SCAMP1: variants seen among roughly 807,000 people sequenced by gnomAD.
SCAMP1 encodes the protein secretory carrier-associated membrane protein 1.
In SCAMP1, 15 loss-of-function variants were observed where a neutral mutation model predicts 41.8. The observed-to-expected ratio is 0.36, with a 90% confidence interval of 0.24 to 0.55. SCAMP1 has a LOEUF of 0.55. Ranked by LOEUF, SCAMP1 falls within the 20% of genes least tolerant of loss-of-function variation. SCAMP1 has a pLI of 0.86. For missense variants in SCAMP1, 341 were observed against 412.6 expected (o/e 0.83, Z 1.50); for synonymous variants, 135 against 136.8 (o/e 0.99, Z 0.09).
chr5:78,386,527 T>C (rs1751345731), intron 1 of SCAMP1, among the ~76,000 whole-genome samples: 1 of 152,064 alleles, frequency 6.6e-6, no homozygotes, highest in Non-Finnish European at 1.5e-5. Context: ...CTTTTTTCTT[T>C]TTTTTTTCAT....
At chr5:78,388,715 A>G (rs552688743) in intron 1 of SCAMP1, 122 bp from the exon 2 acceptor site, 102 of 487,784 alleles carry the variant, frequency 2.1e-4, no homozygotes, top group Non-Finnish European at 3.3e-4. Flanking sequence ...GCCTTCTTTT[A>G]TTTTCCTCTG....
At chr5:78,421,726 T>G in intron 5 of SCAMP1, 75 bp from the exon 6 acceptor site, 1 of 1,321,096 alleles carries the variant, frequency 7.6e-7, no homozygotes, top group Non-Finnish European at 1.1e-6. Flanking sequence ...TTTTTTTATT[T>G]ACAATTTTTT....
chr5:78,457,446 G>A (rs555843181), intron 7 of SCAMP1, among the ~76,000 whole-genome samples: 3 of 152,146 alleles, frequency 2.0e-5, no homozygotes, highest in African/African-American at 7.2e-5. Flanking sequence ...ACCCTGTCGT[G>A]TAAGGTGTCA....
intron 1 of SCAMP1, among the ~76,000 whole-genome samples, chr5:78,379,826 G>A (rs1279493997): frequency 6.6e-6 from 1 of 152,116 alleles, no homozygotes; most frequent in Non-Finnish European, 1.5e-5. Flanking sequence ...GTGAATGTTG[G>A]CTAAGCAGGA....
intron 8 of SCAMP1, among the ~76,000 whole-genome samples, chr5:78,469,930 A>AAAC (rs532294277): frequency 1.9e-4 from 4 of 21,054 alleles, no homozygotes; most frequent in African/African-American, 5.9e-4. Flanking sequence ...AAAAAAAAAA[A>AAAC]AACAACAACA....
chr5:78,389,662 T>C (rs932513411), intron 2 of SCAMP1, among the ~76,000 whole-genome samples: 1 of 152,210 alleles, frequency 6.6e-6, no homozygotes, highest in Non-Finnish European at 1.5e-5. Context: ...GAGAAGCATC[T>C]AGGGGACTTT....
At chr5:78,374,951 TGA>T (rs1751030589) in intron 1 of SCAMP1, among the ~76,000 whole-genome samples, 1 of 152,114 alleles carries the variant, frequency 6.6e-6, no homozygotes, top group East Asian at 1.9e-4. Context: ...AGAGTCTTGT[TGA>T]GAGATTTTTA....
rs991694338 is a variant in SCAMP1, at chr5:78,476,937, G to C, written c.*1269G>C. ...TATAGTATTCTTGGGTTCAACCTTT[G>C]AATCAATTTTACCACTGATTAAATA... On this transcript the variant is annotated 3_prime_UTR_variant, in exon 9 of 9. Coordinates refer to ENST00000621999, the MANE Select transcript of SCAMP1 (RefSeq NM_004866.6). 3 of 152,032 alleles carry C rather than the reference G, an allele frequency of 2.0e-5. No homozygotes were observed. The highest frequency in any genetic ancestry group is 2.9e-5 in the Non-Finnish European group (2 of 67,958). The allele number at this position is 152,032 out of a possible 1,614,324, so 9.4% of individuals were successfully genotyped here.
intron 6 of SCAMP1, among the ~76,000 whole-genome samples, chr5:78,438,058 ATAC>A (rs1752808353): frequency 6.6e-6 from 1 of 152,034 alleles, no homozygotes; most frequent in Non-Finnish European, 1.5e-5. Flanking sequence ...ATCGGTGGTG[ATAC>A]CCCTTTATCA....
chr5:78,451,533 A>G (rs972682905), intron 7 of SCAMP1, among the ~76,000 whole-genome samples: 2 of 152,090 alleles, frequency 1.3e-5, no homozygotes, highest in Non-Finnish European at 2.9e-5. Context: ...TTGTTTTGTC[A>G]TTTCAAGAAG....
intron 6 of SCAMP1, among the ~76,000 whole-genome samples, chr5:78,423,009 C>CTT (rs1561269765): frequency 2.7e-4 from 10 of 36,454 alleles, no homozygotes; most frequent in Non-Finnish European, 5.4e-4. Flanking sequence ...GTAACACACG[C>CTT]GCGCGCGCAC....
chr5:78,390,456 T>C (rs1448546009), intron 2 of SCAMP1, among the ~76,000 whole-genome samples: 1 of 152,188 alleles, frequency 6.6e-6, no homozygotes, highest in Non-Finnish European at 1.5e-5. Flanking sequence ...GGTGGTTTCA[T>C]ATGATTCAAC....
intron 1 of SCAMP1, among the ~76,000 whole-genome samples, chr5:78,372,827 C>T (rs1449776052): frequency 6.6e-6 from 1 of 152,078 alleles, no homozygotes; most frequent in East Asian, 1.9e-4. Flanking sequence ...TTAGAAAATA[C>T]AGGCAACTTG....
intron 1 of SCAMP1, among the ~76,000 whole-genome samples, chr5:78,378,825 A>G (rs773336493): frequency 2.6e-5 from 4 of 152,232 alleles, no homozygotes; most frequent in Non-Finnish European, 5.9e-5. Flanking sequence ...ATGATCCTCT[A>G]AGTCAACAAA....
At chr5:78,462,576 G>C (rs1753644624) in intron 8 of SCAMP1, among the ~76,000 whole-genome samples, 1 of 152,090 alleles carries the variant, frequency 6.6e-6, no homozygotes, top group African/African-American at 2.4e-5. Context: ...TACTTGCCTT[G>C]GCCTCCCAAA....
chr5:78,370,457 C>T (rs1580642076), intron 1 of SCAMP1, among the ~76,000 whole-genome samples: 3 of 152,048 alleles, frequency 2.0e-5, no homozygotes, highest in Middle Eastern at 6.9e-3. Context: ...TGTGGAAAAC[C>T]CTGTTCTCCT....
At chr5:78,377,100 A>T (rs765853935) in intron 1 of SCAMP1, among the ~76,000 whole-genome samples, 5 of 150,838 alleles carry the variant, frequency 3.3e-5, no homozygotes, top group South Asian at 4.2e-4. Flanking sequence ...ACAATGTGGG[A>T]GGTAAGGAAA....
chr5:78,479,668 T>C lies in SCAMP1; in HGVS notation c.*4000T>C, dbSNP rs964643349. 1.3e-5 allele frequency among the ~76,000 whole-genome samples: 2 copies of C among 152,214 alleles called. No individual in the cohort carries two copies. Among genetic ancestry groups the C allele is most frequent in the African/African-American group, 2.4e-5 (1 of 41,454 alleles). On this transcript the variant is annotated 3_prime_UTR_variant, in exon 9 of 9. Coordinates refer to ENST00000621999, the MANE Select transcript of SCAMP1 (RefSeq NM_004866.6). ...AGATTGTAGGAAAATAGAGAAAGAC[T>C]GTTCTCCAGTTTTCTCACCCCCGCT...
rs923940655 is a variant in SCAMP1, at chr5:78,429,218, C to T, written c.632+7258C>T. 2.0e-5 allele frequency among the ~76,000 whole-genome samples: 3 copies of T among 151,720 alleles called. No individual in the cohort carries two copies. In the South Asian group the frequency reaches 6.2e-4, roughly 31 times the overall value. On this transcript the variant is annotated intron_variant, in intron 6 of 8. Transcript: ENST00000621999. ...AGAAGTAGGAGGAGTAACATCCATG[C>T]CTTATTCCCAATTTTAAGAGAAAGC... is the stretch of plus-strand genomic sequence containing the variant.
Sources: gnomAD v4.1 joint callset for allele counts (sites outside exome capture counted in the v4.1 genomes callset) on GRCh38, gnomAD v4.1.1 for gene constraint, MANE v1.5 for transcripts, NCBI Gene and HGNC (gene_info 2026-07-23, HGNC 2026-07-21) for gene names.